Variants in NPLOC4 observed in about 807,000 individuals in gnomAD.
The protein encoded by NPLOC4 is NPL4 homolog, ubiquitin recognition factor.
Under a neutral mutation model 80.6 loss-of-function variants are expected in NPLOC4, and 18 were observed. The observed-to-expected ratio is 0.22, with a 90% CI of 0.15 to 0.33. The LOEUF is 0.33. NPLOC4 is among the 10% of genes least tolerant of loss of function. NPLOC4 has a pLI of 1.00. For missense variants in NPLOC4, 540 were observed against 786.1 expected (o/e 0.69, Z 3.74); for synonymous variants, 313 against 301.5 (o/e 1.04, Z -0.39).
Position 81,565,512 on chromosome 17 carries a change from C to T in NPLOC4, c.1662G>A (p.Gln554=). The T allele has an allele frequency of 6.5e-7, 1 of 1,549,618 alleles. No individual in the cohort carries two copies. Among genetic ancestry groups the T allele is most frequent in the East Asian group, 2.4e-5 (1 of 41,168 alleles). ...GGGGGTGGGGGTACTCACTGCACAGCTGCTCGATGGTGGCCCACTGCTCAG... is the reference window on the plus strand; with the variant it reads ...GGGGGTGGGGGTACTCACTGCACAGTTGCTCGATGGTGGCCCACTGCTCAG... ...KRSEQWATIE[Q]LCSTVGGQLP... is the part of the protein sequence containing the mutation. The change falls in exon 16 of 17, where the codon CAG becomes CAA. Residue 554 remains glutamine (Q), a synonymous_variant. Coordinates refer to ENST00000331134, the MANE Select transcript of NPLOC4 (RefSeq NM_017921.4).
intron 2 of NPLOC4, among the ~76,000 whole-genome samples, chr17:81,627,556 A>G (rs927653424): frequency 6.6e-6 from 1 of 151,876 alleles, no homozygotes; most frequent in African/African-American, 2.4e-5. Flanking sequence ...CCTGACCAAC[A>G]TGGTGAAACT....
chr17:81,617,754 C>A (rs903000321), intron 3 of NPLOC4, among the ~76,000 whole-genome samples: 4 of 151,692 alleles, frequency 2.6e-5, no homozygotes, highest in Admixed American at 1.3e-4. Flanking sequence ...ACTGCAACCT[C>A]CCTGCCTGAT....
intron 11 of NPLOC4, among the ~76,000 whole-genome samples, chr17:81,595,893 G>C (rs2034896012): frequency 6.6e-6 from 1 of 152,108 alleles, no homozygotes; most frequent in Admixed American, 6.6e-5. Context: ...GAGCTCTGTG[G>C]AGGTCCTGAT....
intron 2 of NPLOC4, among the ~76,000 whole-genome samples, chr17:81,624,955 G>C (rs185276000): frequency 6.6e-6 from 1 of 152,212 alleles, no homozygotes; most frequent in South Asian, 2.1e-4. Context: ...CCACACAGAC[G>C]AAAGGCAGGG....
At position 81,600,229 on chromosome 17, in the gene NPLOC4, C is replaced by A; in HGVS notation, c.921+112G>T. On this transcript the variant is annotated intron_variant, in intron 9 of 16. Transcript: ENST00000331134. ...AGTGCCTGCACCTGACCTTGTGCAG[C>A]CGGAGAGAGCCAGTACCCGACACAG... 5 of 721,546 alleles carry A rather than the reference C, an allele frequency of 6.9e-6. No homozygotes were observed. In the South Asian group the frequency reaches 7.6e-5, roughly 11 times the overall value. The allele number at this position is 721,546 out of a possible 1,614,324, so 44.7% of individuals were successfully genotyped here.
chr17:81,583,215 T>C (rs1363642139), intron 12 of NPLOC4, among the ~76,000 whole-genome samples: 10 of 152,268 alleles, frequency 6.6e-5, no homozygotes, highest in Admixed American at 6.5e-4. Flanking sequence ...TTTGAAGATA[T>C]ACAAAGATGT....
intron 2 of NPLOC4, 30 bp from the exon 3 acceptor site, chr17:81,622,308 A>T (rs2035691218): frequency 6.8e-7 from 1 of 1,475,468 alleles, no homozygotes; most frequent in Non-Finnish European, 9.5e-7. Context: ...ACAGAAATTT[A>T]ATGAAATGCT....
Position 81,637,011 on chromosome 17 carries a change from C to G in NPLOC4, c.-81G>C. ...AAGGGCCTCGCAGACCCGGCCGCGG[C>G]CTCAGCCCCGGCCCCGGCCTCCCTA... On this transcript the variant is annotated 5_prime_UTR_variant, in exon 1 of 17. Transcript: ENST00000331134. The G allele has an allele frequency of 3.1e-6, 3 of 965,960 alleles. No individual in the cohort carries two copies. The highest frequency in any genetic ancestry group is 4.0e-6 in the Non-Finnish European group (3 of 756,410). The allele number at this position is 965,960 out of a possible 1,614,324, so 59.8% of individuals were successfully genotyped here. A position where few individuals can be genotyped will look rare whatever the true frequency, so the allele number is the denominator to read the frequency against.
intron 5 of NPLOC4, among the ~76,000 whole-genome samples, 152 bp downstream of exon 5, chr17:81,610,058 C>A (rs575400606): frequency 1.3e-5 from 2 of 152,284 alleles, no homozygotes; most frequent in Middle Eastern, 3.4e-3. Context: ...GCAGCTTGCA[C>A]TAGGGGAATA....
intron 4 of NPLOC4, 182 bp downstream of exon 4, chr17:81,613,136 A>AAC (rs1454001495): frequency 7.2e-6 from 4 of 552,288 alleles, no homozygotes; most frequent in Non-Finnish European, 1.1e-5. Context: ...CTAAAAAAAA[A>AAC]AAACAAAAAC....
chr17:81,587,319 ATTTTTT>A (rs1026737528), intron 12 of NPLOC4, among the ~76,000 whole-genome samples: 60 of 151,760 alleles, frequency 4.0e-4, no homozygotes, highest in African/African-American at 1.4e-3. Context: ...TTATTTTTTT[ATTTTTT>A]ATTTTTTTGA....
At chr17:81,604,524 G>GT in intron 8 of NPLOC4, 24 bp downstream of exon 8, 1 of 1,604,384 alleles carries the variant, frequency 6.2e-7, no homozygotes, top group Non-Finnish European at 8.5e-7. Flanking sequence ...AGAAACTCAG[G>GT]AACTTGAATC....
At chr17:81,575,686 C>G (rs2034278809) in intron 12 of NPLOC4, among the ~76,000 whole-genome samples, 1 of 152,218 alleles carries the variant, frequency 6.6e-6, no homozygotes, top group South Asian at 2.1e-4. Flanking sequence ...CAAGTCAGTG[C>G]CGGTGCTGCA....
intron 16 of NPLOC4, among the ~76,000 whole-genome samples, chr17:81,559,801 C>T (rs1364195952): frequency 1.4e-5 from 2 of 143,710 alleles, no homozygotes; most frequent in African/African-American, 2.6e-5. Context: ...GGCACGATCT[C>T]GGCTCACTGC....
chr17:81,596,644 C>A (rs576818577), intron 10 of NPLOC4, among the ~76,000 whole-genome samples: 6 of 143,708 alleles, frequency 4.2e-5, no homozygotes, highest in African/African-American at 1.5e-4. Context: ...AATTCCTAAC[C>A]ATTACCAATT....
chr17:81,589,116 A>G lies in NPLOC4; in HGVS notation c.1121-12T>C. On this transcript the variant is annotated splice_polypyrimidine_tract_variant and intron_variant, in intron 11 of 16. Coordinates refer to ENST00000331134, the MANE Select transcript of NPLOC4 (RefSeq NM_017921.4). ...GTTGTCAGGACCACCTGCAAGAGAGAGACCTTTAAAAAGAGTCTACCAAAC... is the reference window on the plus strand; with the variant it reads ...GTTGTCAGGACCACCTGCAAGAGAGGGACCTTTAAAAAGAGTCTACCAAAC... 1 of 1,609,196 alleles carries G rather than the reference A, an allele frequency of 6.2e-7. No homozygotes were observed. Among genetic ancestry groups the G allele is most frequent in the Non-Finnish European group, 8.5e-7 (1 of 1,177,128 alleles).
At chr17:81,597,566 C>T (rs1404588530) in intron 9 of NPLOC4, among the ~76,000 whole-genome samples, 5 of 151,366 alleles carry the variant, frequency 3.3e-5, no homozygotes, top group Non-Finnish European at 7.4e-5. Context: ...GGGTGGATCA[C>T]CCGAGGTCGG....
chr17:81,597,976 T>G (rs1256840565), intron 9 of NPLOC4, among the ~76,000 whole-genome samples: 1 of 149,576 alleles, frequency 6.7e-6, no homozygotes, highest in Non-Finnish European at 1.5e-5. Flanking sequence ...GTGCCTGTAG[T>G]CCCAGCTACT....
intron 12 of NPLOC4, among the ~76,000 whole-genome samples, chr17:81,584,484 G>A (rs1383831094): frequency 6.6e-6 from 1 of 152,162 alleles, no homozygotes; most frequent in African/African-American, 2.4e-5. Flanking sequence ...CAAACTCACA[G>A]TTAATGATAA....
Sources: allele counts gnomAD v4.1 joint callset (sites outside exome capture counted in the v4.1 genomes callset), GRCh38; gene constraint gnomAD v4.1.1; transcripts MANE v1.5; gene names NCBI Gene and HGNC (gene_info 2026-07-23, HGNC 2026-07-21).